PDE10A: variants seen among roughly 807,000 people sequenced by gnomAD.
The protein encoded by PDE10A is cAMP and cAMP-inhibited cGMP 3',5'-cyclic phosphodiesterase 10A.
A neutral mutation model predicts 97.7 loss-of-function variants in PDE10A; 39 were observed. That is an observed-to-expected ratio of 0.40 (90% CI 0.31 to 0.52). PDE10A has a LOEUF of 0.52. PDE10A is among the 20% of genes least tolerant of loss of function. The pLI is 0.56. For synonymous variants in PDE10A, 371 were observed against 376.8 expected, an observed-to-expected ratio of 0.98 and a Z score of 0.18; for missense variants, 731 against 1,047.8, an observed-to-expected ratio of 0.70 and a Z score of 4.17.
At chr6:165,717,654 T>G (rs954923521) in intron 1 of PDE10A, among the ~76,000 whole-genome samples, 1 of 152,188 alleles carries the variant, frequency 6.6e-6, no homozygotes, top group East Asian at 1.9e-4. Flanking sequence ...TATCCAGAAA[T>G]GGAATTGCTG....
chr6:165,424,512 T>A (rs980172628), intron 10 of PDE10A, among the ~76,000 whole-genome samples: 14 of 151,942 alleles, frequency 9.2e-5, no homozygotes, highest in Non-Finnish European at 1.8e-4. Flanking sequence ...TCTAATGGGG[T>A]CTTAGCTGAT....
At chr6:165,334,662 G>C (rs1056931116) in intron 21 of PDE10A, among the ~76,000 whole-genome samples, 8 of 152,120 alleles carry the variant, frequency 5.3e-5, no homozygotes, top group African/African-American at 1.7e-4. Context: ...CTTCAAGAAT[G>C]ATCTGGCCTC....
At chr6:165,549,482 G>GC (rs1783904641) in intron 1 of PDE10A, among the ~76,000 whole-genome samples, 2 of 152,100 alleles carry the variant, frequency 1.3e-5, no homozygotes, top group South Asian at 4.1e-4. Context: ...CTGCCACCAC[G>GC]CCCGGCCAAT....
At chr6:165,416,105 A>C in intron 12 of PDE10A, 84 bp downstream of exon 12, 1 of 856,252 alleles carries the variant, frequency 1.2e-6, no homozygotes, top group South Asian at 1.4e-5. Flanking sequence ...GGACGTGGAG[A>C]ACTCAGGCTC....
At chr6:165,660,800 A>T (rs959515732) in intron 1 of PDE10A, 6 of 152,440 alleles carry the variant, frequency 3.9e-5, no homozygotes, top group African/African-American at 1.4e-4. Context: ...GCTCGGGTGC[A>T]CACGCGGTGG....
intron 2 of PDE10A, among the ~76,000 whole-genome samples, chr6:165,501,932 T>G (rs1341584392): frequency 6.6e-6 from 1 of 152,214 alleles, no homozygotes; most frequent in African/African-American, 2.4e-5. Context: ...AGTGTGGTAC[T>G]GACATAATGA....
intron 1 of PDE10A, among the ~76,000 whole-genome samples, chr6:165,735,103 G>A (rs1203806162): frequency 6.6e-6 from 1 of 151,720 alleles, no homozygotes; most frequent in African/African-American, 2.4e-5. Context: ...TAGATAGGTA[G>A]GCAGGTTGGT....
At chr6:165,416,765 G>A (rs1231082852) in intron 11 of PDE10A, among the ~76,000 whole-genome samples, 3 of 152,158 alleles carry the variant, frequency 2.0e-5, no homozygotes, top group African/African-American at 2.4e-5. Flanking sequence ...CAGGTTACAC[G>A]TGAGCTTGAG....
chr6:165,922,715 G>A (rs80022500), intron 1 of PDE10A, among the ~76,000 whole-genome samples: 8 of 152,198 alleles, frequency 5.3e-5, no homozygotes, highest in South Asian at 4.1e-4. Context: ...AGCTCCACAC[G>A]TGAGTCAGAT....
intron 1 of PDE10A, among the ~76,000 whole-genome samples, chr6:165,597,201 T>C (rs941446719): frequency 3.3e-5 from 5 of 152,112 alleles, no homozygotes; most frequent in East Asian, 3.9e-4. Flanking sequence ...GTATTCCCAA[T>C]TCCTAAAAAA....
intron 16 of PDE10A, among the ~76,000 whole-genome samples, chr6:165,390,837 G>A (rs1003986087): frequency 2.6e-5 from 4 of 152,142 alleles, no homozygotes; most frequent in African/African-American, 7.2e-5. Flanking sequence ...GGGAAATCTC[G>A]CCAGTAACCC....
intron 13 of PDE10A, among the ~76,000 whole-genome samples, chr6:165,398,992 T>C (rs1448506239): frequency 6.6e-6 from 1 of 152,174 alleles, no homozygotes; most frequent in Non-Finnish European, 1.5e-5. Context: ...AGATATACTG[T>C]TTAATACCAG....
intron 1 of PDE10A, among the ~76,000 whole-genome samples, chr6:165,632,197 T>C (rs539716717): frequency 2.1e-5 from 1 of 46,994 alleles, no homozygotes; most frequent in Admixed American, 4.0e-4. Flanking sequence ...GGAGAGTCCA[T>C]CTCAAAAAAA....
chr6:165,681,139 C>G (rs1790964587), intron 1 of PDE10A, among the ~76,000 whole-genome samples: 2 of 152,178 alleles, frequency 1.3e-5, no homozygotes, highest in Non-Finnish European at 2.9e-5. Flanking sequence ...GATGGCAACG[C>G]CTGTGTTTAC....
chr6:165,356,090 A>T (rs1033263012), intron 18 of PDE10A, among the ~76,000 whole-genome samples: 1 of 152,100 alleles, frequency 6.6e-6, no homozygotes, highest in Non-Finnish European at 1.5e-5. Flanking sequence ...AAACAACCAG[A>T]TCTGGGTGAG....
rs1790275175 is a variant in PDE10A, at chr6:165,661,728, A to G, written c.865+219T>C. On this transcript the variant is annotated intron_variant, in intron 1 of 21. Transcript: ENST00000539869. This position sits in a 1 kb window ranked among gnomAD's most constrained non-coding sequence, Gnocchi z 4.8. ...CCGCCCTTCCCCCGAGCGCTCGCGG[A>G]GCCTGGGAAACCCCGGCGTCCCTGC... is the stretch of plus-strand genomic sequence containing the variant. 2.3e-6 allele frequency: 1 copy of G among 443,196 alleles called. No individual in the cohort carries two copies. Among genetic ancestry groups the G allele is most frequent in the Non-Finnish European group, 3.9e-6 (1 of 253,476 alleles). The allele number at this position is 443,196 out of a possible 1,614,324, so 27.5% of individuals were successfully genotyped here.
chr6:165,663,555 T>G (rs1790406329), upstream of PDE10A, among the ~76,000 whole-genome samples: 2 of 152,214 alleles, frequency 1.3e-5, no homozygotes, highest in Admixed American at 1.3e-4. Flanking sequence ...GGCCAGCAGC[T>G]CCGACCCAGC....
In PDE10A at chr6:165,418,696, G is replaced by A. The variant is rs1162412003; in HGVS notation, c.1735C>T (p.Leu579Phe). 1 of 1,613,530 alleles carries A rather than the reference G, an allele frequency of 6.2e-7. No individual in the cohort carries two copies. The highest frequency in any genetic ancestry group is 1.1e-5 in the South Asian group (1 of 91,068). Residue 579 changes from leucine (L) to phenylalanine (F), a missense_variant, in exon 11 of 22, where the codon CTT (leucine) becomes TTT (phenylalanine). Transcript: ENST00000539869. The surrounding 1 kb of genome is among the most constrained non-coding windows in gnomAD (Gnocchi z 4.8). ...TCCTTTTCCTCTCCAATATCAAAAA[G>A]GTCTGAATATAACTCCTTGTTCTTA... ...DHKNKELYSDLFDIGEEKEGK... is the reference protein window; with the variant it reads ...DHKNKELYSDFFDIGEEKEGK...
intron 1 of PDE10A, among the ~76,000 whole-genome samples, chr6:165,965,459 C>T (rs1187211385): frequency 1.3e-5 from 2 of 152,118 alleles, no homozygotes; most frequent in African/African-American, 4.8e-5. Flanking sequence ...GAGGATAACT[C>T]TTGGAGTGAA....
Sources: gnomAD v4.1 joint callset for allele counts (sites outside exome capture counted in the v4.1 genomes callset) on GRCh38, gnomAD v4.1.1 for gene constraint, Gnocchi (gnomAD v3.1) non-coding constraint, MANE v1.5 for transcripts, NCBI Gene and HGNC (gene_info 2026-07-23, HGNC 2026-07-21) for gene names.